SYT1: variants seen among roughly 807,000 people sequenced by gnomAD.
The protein encoded by SYT1 is synaptotagmin 1.
In SYT1, 8 loss-of-function variants were observed where a neutral mutation model predicts 44.8. The observed-to-expected ratio is 0.18, with a 90% CI of 0.10 to 0.32. SYT1 has a LOEUF of 0.32. Among genes scored for constraint, SYT1 ranks in the 10% least tolerant of loss-of-function variants. SYT1 has a pLI of 1.00. For missense variants in SYT1, 286 were observed against 509.3 expected (o/e 0.56, Z 4.22); for synonymous variants, 154 against 188.8 (o/e 0.82, Z 1.51).
At chr12:79,206,365 C>T (rs901960522) in intron 3 of SYT1, among the ~76,000 whole-genome samples, 3 of 152,122 alleles carry the variant, frequency 2.0e-5, no homozygotes, top group African/African-American at 7.2e-5. Flanking sequence ...AGATGCAGAT[C>T]CCTTCTTTAA....
chr12:78,951,955 C>T (rs1368128458), intron 1 of SYT1, among the ~76,000 whole-genome samples: 1 of 152,076 alleles, frequency 6.6e-6, no homozygotes, highest in African/African-American at 2.4e-5. Context: ...CACTAATTAG[C>T]TTAGTCGGCA....
intron 3 of SYT1, among the ~76,000 whole-genome samples, chr12:79,182,340 T>G (rs1592830827): frequency 6.6e-6 from 1 of 152,190 alleles, no homozygotes; most frequent in South Asian, 2.1e-4. Flanking sequence ...GGTGTCATGG[T>G]TTTCTTCCTA....
intron 9 of SYT1, among the ~76,000 whole-genome samples, chr12:79,373,805 C>T (rs1883885804): frequency 6.6e-6 from 1 of 151,952 alleles, no homozygotes; most frequent in South Asian, 2.1e-4. Context: ...TCATTTTTAC[C>T]TGTAGGCATG....
chr12:78,972,541 AT>A (rs1179589452), intron 1 of SYT1, among the ~76,000 whole-genome samples: 17 of 72,484 alleles, frequency 2.3e-4, no homozygotes, highest in African/African-American at 6.8e-4. Flanking sequence ...AAAAAAAAAT[AT>A]ATATATATAT....
chr12:79,373,761 C>G (rs531443977), intron 9 of SYT1, among the ~76,000 whole-genome samples: 1 of 152,114 alleles, frequency 6.6e-6, no homozygotes, highest in South Asian at 2.1e-4. Flanking sequence ...TTTAGAGAAG[C>G]TTTTAGCCAG....
intron 1 of SYT1, among the ~76,000 whole-genome samples, chr12:78,945,456 T>C (rs1417734840): frequency 2.1e-5 from 3 of 143,330 alleles, no homozygotes; most frequent in Non-Finnish European, 4.5e-5. Flanking sequence ...TTTACATTTA[T>C]ATTATGTGTG....
intron 3 of SYT1, among the ~76,000 whole-genome samples, chr12:79,128,721 T>C (rs1261235748): frequency 6.6e-6 from 1 of 152,232 alleles, no homozygotes; most frequent in Non-Finnish European, 1.5e-5. Context: ...GGCACGTGTA[T>C]ACCTATGTAA....
chr12:79,283,521 T>A (rs1208666943), intron 4 of SYT1, among the ~76,000 whole-genome samples: 3 of 152,148 alleles, frequency 2.0e-5, no homozygotes, highest in Admixed American at 6.6e-5. Flanking sequence ...TATGTAGCTC[T>A]CTGAGCGACT....
intron 9 of SYT1, among the ~76,000 whole-genome samples, chr12:79,368,817 G>C (rs1039312960): frequency 3.3e-5 from 5 of 152,198 alleles, no homozygotes; most frequent in African/African-American, 4.8e-5. Flanking sequence ...CAGATGAGCA[G>C]GTTGCAAAAA....
chr12:79,055,268 T>C (rs565158193), intron 3 of SYT1, among the ~76,000 whole-genome samples: 1 of 152,166 alleles, frequency 6.6e-6, no homozygotes, highest in African/African-American at 2.4e-5. Flanking sequence ...TTCTTATTAA[T>C]CTTTGATTTG....
chr12:79,031,332 A>G (rs907355437), intron 2 of SYT1, among the ~76,000 whole-genome samples: 1 of 151,030 alleles, frequency 6.6e-6, no homozygotes, highest in African/African-American at 2.4e-5. Flanking sequence ...CTTTTAAGTA[A>G]TATTATAAAA....
chr12:79,278,449 A>T (rs1002542136), intron 4 of SYT1, among the ~76,000 whole-genome samples: 1 of 152,136 alleles, frequency 6.6e-6, no homozygotes. Context: ...AGAAATTTTT[A>T]AAAATTTTTG....
intron 3 of SYT1, among the ~76,000 whole-genome samples, chr12:79,201,978 A>G (rs371887450): frequency 2.0e-5 from 3 of 152,174 alleles, no homozygotes; most frequent in Admixed American, 2.0e-4. Context: ...TGCCTGTAGA[A>G]TGACTTCATA....
intron 4 of SYT1, among the ~76,000 whole-genome samples, chr12:79,219,526 G>A (rs974377528): frequency 1.3e-5 from 2 of 151,970 alleles, no homozygotes; most frequent in African/African-American, 4.8e-5. Flanking sequence ...TTTTGTACAT[G>A]TTGTGAGATA....
At chr12:79,111,797 C>T (rs908068437) in intron 3 of SYT1, among the ~76,000 whole-genome samples, 3 of 151,622 alleles carry the variant, frequency 2.0e-5, no homozygotes, top group Admixed American at 6.6e-5. Flanking sequence ...GTGTTGTTTC[C>T]CTCACAGCTC....
chr12:79,139,452 A>G (rs531559110), intron 3 of SYT1, among the ~76,000 whole-genome samples: 63 of 152,150 alleles, frequency 4.1e-4, no homozygotes, highest in Non-Finnish European at 7.8e-4. Flanking sequence ...TAGTTTTAGG[A>G]AGCACAAAAT....
At chr12:79,045,268 G>T (rs1873939822) in intron 2 of SYT1, among the ~76,000 whole-genome samples, 1 of 152,228 alleles carries the variant, frequency 6.6e-6, no homozygotes, top group Non-Finnish European at 1.5e-5. Context: ...CTAGCAATCA[G>T]CGAGACTACG....
intron 3 of SYT1, among the ~76,000 whole-genome samples, chr12:79,184,590 C>G (rs1872709270): frequency 1.3e-5 from 2 of 152,036 alleles, no homozygotes; most frequent in Admixed American, 6.6e-5. Context: ...GCTGTTGTCA[C>G]CAACAGATAA....
chr12:78,989,009 A>G lies in SYT1; in HGVS notation c.-84+11078A>G, dbSNP rs138748662. ...GAGATATGTTTTTAAAGTAGAACCT[A>G]TATGACTTGTTGATGAATTGAATAT... is the stretch of plus-strand genomic sequence containing the variant. On this transcript the variant is annotated intron_variant, in intron 2 of 10. Coordinates refer to ENST00000261205, the MANE Select transcript of SYT1 (RefSeq NM_005639.3). Among the ~76,000 whole-genome samples the G allele has an allele frequency of 4.5e-3, 685 of 152,248 alleles. 5 individuals are homozygous for G. The highest frequency in any genetic ancestry group is 0.015 in the African/African-American group (636 of 41,550).
Sources: gnomAD v4.1 joint callset for allele counts (sites outside exome capture counted in the v4.1 genomes callset) on GRCh38, gnomAD v4.1.1 for gene constraint, MANE v1.5 for transcripts, NCBI Gene and HGNC (gene_info 2026-07-23, HGNC 2026-07-21) for gene names.